Variants in LRMDA observed in about 807,000 individuals in gnomAD.
The protein encoded by LRMDA is leucine rich melanocyte differentiation associated.
LRMDA carries 18 observed loss-of-function variants against 29.8 expected under a neutral mutation model. That is an observed-to-expected ratio of 0.60 (90% CI 0.42 to 0.90). LRMDA has a LOEUF of 0.90. Among genes scored for constraint, LRMDA ranks in the 40% least tolerant of loss-of-function variants. The probability of loss-of-function intolerance (pLI) is 0.00; values close to 1 mark genes in which losing one functional copy is unlikely to be tolerated. For synonymous variants in LRMDA, 125 were observed against 109.4 expected (o/e 1.14, Z -0.89); for missense variants, 273 against 273.9 (o/e 1.00, Z 0.02).
At chr10:75,898,371 C>G (rs553586644) in intron 2 of LRMDA, among the ~76,000 whole-genome samples, 3 of 152,160 alleles carry the variant, frequency 2.0e-5, no homozygotes, top group Admixed American at 1.3e-4. Flanking sequence ...AAAGAGGACA[C>G]AAGACAGATT....
intron 2 of LRMDA, among the ~76,000 whole-genome samples, chr10:75,809,736 G>A (rs990136990): frequency 2.0e-5 from 3 of 152,158 alleles, no homozygotes; most frequent in Admixed American, 6.5e-5. Context: ...AGTCACTCAC[G>A]TCAGTGGAAG....
At chr10:75,511,382 C>T (rs1295458634) in intron 2 of LRMDA, among the ~76,000 whole-genome samples, 1 of 152,036 alleles carries the variant, frequency 6.6e-6, no homozygotes, top group Admixed American at 6.5e-5. Flanking sequence ...GTGGGGAAAC[C>T]AGGATTCTGG....
intron 6 of LRMDA, among the ~76,000 whole-genome samples, chr10:76,489,092 G>A (rs1487678230): frequency 2.0e-5 from 3 of 151,760 alleles, no homozygotes; most frequent in Non-Finnish European, 4.4e-5. Context: ...AATAGGATTG[G>A]TATTTCTTCT....
At chr10:76,247,221 C>G (rs1220543350) in intron 5 of LRMDA, among the ~76,000 whole-genome samples, 1 of 152,148 alleles carries the variant, frequency 6.6e-6, no homozygotes, top group Non-Finnish European at 1.5e-5. Flanking sequence ...AAATACAAAA[C>G]TACATTTTCT....
chr10:75,674,285 G>T (rs1371615566), intron 2 of LRMDA, among the ~76,000 whole-genome samples: 1 of 152,114 alleles, frequency 6.6e-6, no homozygotes, highest in African/African-American at 2.4e-5. Context: ...CAGATTTTAG[G>T]AACATCTGGG....
chr10:75,458,025 G>T lies in LRMDA; in HGVS notation c.131+19531G>T, dbSNP rs1405457898. ...CAAGGAGATCATTAAGACACAGGAT[G>T]CCTGAGTATTGAGTATTGAGTATTT... On this transcript the variant is annotated intron_variant, in intron 2 of 6. Transcript: ENST00000611255. Among the ~76,000 whole-genome samples, 3 of 152,298 alleles carry T rather than the reference G, an allele frequency of 2.0e-5. No individual in the cohort carries two copies. The East Asian group carries it at 5.8e-4, about 29-fold the overall frequency.
chr10:76,085,506 A>G (rs1343311108), intron 5 of LRMDA, among the ~76,000 whole-genome samples: 11 of 151,790 alleles, frequency 7.2e-5, no homozygotes, highest in Admixed American at 7.2e-4. Flanking sequence ...CGCCCCACAC[A>G]CTCCTGAAGA....
chr10:75,520,685 G>T (rs1044027652), intron 2 of LRMDA, among the ~76,000 whole-genome samples: 3 of 152,220 alleles, frequency 2.0e-5, no homozygotes, highest in Non-Finnish European at 4.4e-5. Flanking sequence ...ACTTCTGTCA[G>T]CTCGTCAAAG....
At chr10:76,300,674 T>C (rs1840469909) in intron 5 of LRMDA, among the ~76,000 whole-genome samples, 1 of 152,226 alleles carries the variant, frequency 6.6e-6, no homozygotes, top group African/African-American at 2.4e-5. Flanking sequence ...CAATCCCTTT[T>C]TCTATGGTAG....
intron 2 of LRMDA, among the ~76,000 whole-genome samples, chr10:75,943,188 G>A (rs1011955907): frequency 6.7e-6 from 1 of 148,726 alleles, no homozygotes; most frequent in African/African-American, 2.5e-5. Context: ...AAAGGACTAT[G>A]AGATAGAATC....
At chr10:76,407,066 G>T (rs1286358513) in intron 6 of LRMDA, among the ~76,000 whole-genome samples, 1 of 152,078 alleles carries the variant, frequency 6.6e-6, no homozygotes, top group Admixed American at 6.6e-5. Flanking sequence ...GCCTCAAAAA[G>T]CTCATATGCA....
At chr10:75,947,701 G>A (rs1224490980) in intron 2 of LRMDA, among the ~76,000 whole-genome samples, 1 of 152,208 alleles carries the variant, frequency 6.6e-6, no homozygotes, top group Non-Finnish European at 1.5e-5. Flanking sequence ...GGCACGATAT[G>A]CAAAAGTACT....
chr10:75,654,682 C>A (rs1277954340), intron 2 of LRMDA, among the ~76,000 whole-genome samples: 1 of 152,176 alleles, frequency 6.6e-6, no homozygotes, highest in Non-Finnish European at 1.5e-5. Flanking sequence ...GATGTGAACA[C>A]CAGCATCACC....
intron 2 of LRMDA, among the ~76,000 whole-genome samples, chr10:75,716,833 C>T (rs1478930966): frequency 1.3e-5 from 2 of 152,166 alleles, no homozygotes; most frequent in African/African-American, 2.4e-5. Context: ...AGCTATCATT[C>T]CCTTCATTTG....
intron 2 of LRMDA, among the ~76,000 whole-genome samples, chr10:75,680,373 G>C (rs1426629754): frequency 1.3e-5 from 2 of 152,178 alleles, no homozygotes; most frequent in African/African-American, 4.8e-5. Flanking sequence ...GGAAAGGGGG[G>C]ATGGATAAAA....
chr10:76,318,800 TG>T lies in LRMDA; in HGVS notation c.517-5599del, dbSNP rs564970697. The T allele has an allele frequency of 1.9e-3, 295 of 152,404 alleles. 1 individual carries two copies. The highest frequency in any genetic ancestry group is 6.8e-3 in the Middle Eastern group (2 of 294). The allele number at this position is 152,404 out of a possible 1,614,324, so 9.4% of individuals were successfully genotyped here. ...GGGTGGGAAGCTTCAGCCTTCTACC[TG>T]GTTCTTTAGTTTCTCTAACTTAATC... On this transcript the variant is annotated intron_variant, in intron 5 of 6. Transcript: ENST00000611255.
intron 1 of LRMDA, among the ~76,000 whole-genome samples, chr10:75,436,681 G>A (rs1021823683): frequency 6.6e-6 from 1 of 152,038 alleles, no homozygotes; most frequent in South Asian, 2.1e-4. Flanking sequence ...ATGTTAGTCA[G>A]GATGGTGTCG....
At chr10:75,749,808 G>A (rs1262803628) in intron 2 of LRMDA, among the ~76,000 whole-genome samples, 2 of 152,114 alleles carry the variant, frequency 1.3e-5, no homozygotes, top group South Asian at 2.1e-4. Context: ...CTGGGTACTT[G>A]AGATTAGGGA....
chr10:75,887,847 C>G (rs1490410284), intron 2 of LRMDA, among the ~76,000 whole-genome samples: 1 of 152,148 alleles, frequency 6.6e-6, no homozygotes, highest in Non-Finnish European at 1.5e-5. Flanking sequence ...TCACCTTGCT[C>G]AGAAGCCTGT....
Sources: allele counts gnomAD v4.1 joint callset (sites outside exome capture counted in the v4.1 genomes callset), GRCh38; gene constraint gnomAD v4.1.1; transcripts MANE v1.5; gene names NCBI Gene and HGNC (gene_info 2026-07-23, HGNC 2026-07-21).